Variants in NFIB observed in about 807,000 individuals in gnomAD.
The protein encoded by NFIB is nuclear factor 1 B-type.
In NFIB, 11 loss-of-function variants were observed where a neutral mutation model predicts 61.5. The observed-to-expected ratio is 0.18, with a 90% CI of 0.11 to 0.30. The LOEUF is 0.30. NFIB is among the 10% of genes least tolerant of loss of function. NFIB has a pLI of 1.00. For missense variants in NFIB, 471 were observed against 608.9 expected (o/e 0.77, Z 2.38); for synonymous variants, 260 against 216.5 (o/e 1.20, Z -1.76).
chr9:14,457,796 AC>A, the NFIB span, among the ~76,000 whole-genome samples: 1 of 152,104 alleles, frequency 6.6e-6, no homozygotes, highest in Non-Finnish European at 1.5e-5. Flanking sequence ...GGACACATAC[AC>A]CCTCCCAAGA....
intron 3 of NFIB, among the ~76,000 whole-genome samples, chr9:14,164,769 T>A (rs1354631390): frequency 6.6e-6 from 1 of 152,140 alleles, no homozygotes; most frequent in East Asian, 1.9e-4. Context: ...GTTGCCAAAT[T>A]TGCTGAACAC....
chr9:14,470,014 C>A, the NFIB span, among the ~76,000 whole-genome samples: 1 of 152,178 alleles, frequency 6.6e-6, no homozygotes, highest in East Asian at 1.9e-4. Flanking sequence ...CACGGGGATG[C>A]AAACAGACTG....
At chr9:14,225,484 GAA>G (rs1563920394) in intron 2 of NFIB, among the ~76,000 whole-genome samples, 1 of 118,016 alleles carries the variant, frequency 8.5e-6, no homozygotes, top group East Asian at 3.0e-4. Flanking sequence ...AAAAAAAGAA[GAA>G]GAAGAAAATA....
At chr9:14,349,374 G>A (rs1242453659) in intron 1 of NFIB, among the ~76,000 whole-genome samples, 2 of 152,124 alleles carry the variant, frequency 1.3e-5, no homozygotes, top group South Asian at 2.1e-4. Flanking sequence ...GAGCCCGCCC[G>A]ACATTAAATT....
At chr9:14,278,556 G>A (rs990605029) in intron 2 of NFIB, among the ~76,000 whole-genome samples, 5 of 152,146 alleles carry the variant, frequency 3.3e-5, no homozygotes, top group South Asian at 2.1e-4. Flanking sequence ...GAAAAGAGGC[G>A]AGCCCCTGAG....
chr9:14,398,577 T>A lies in NFIB; in HGVS notation c.55A>T (p.Lys19Ter). The change falls in exon 1 of 9, where the codon AAA becomes TAA. Residue 19 changes from lysine (K) to a stop codon, truncating the protein, a stop_gained. Coordinates refer to the NFIB transcript ENST00000380934. LOFTEE classifies it high-confidence loss of function. The stretch of plus-strand genomic sequence containing the variant: ...CTTTTAGGAATCCCAGGGTTACATT[T>A]CAGAACTGCACAGCAGACAACCCAG... 3 of 1,535,412 alleles carry A rather than the reference T, an allele frequency of 2.0e-6. No individual in the cohort carries two copies. Among genetic ancestry groups the A allele is most frequent in the Non-Finnish European group, 2.6e-6 (3 of 1,146,546 alleles).
chr9:14,220,005 C>T (rs745356468), intron 2 of NFIB, among the ~76,000 whole-genome samples: 2 of 152,106 alleles, frequency 1.3e-5, no homozygotes, highest in Non-Finnish European at 2.9e-5. Flanking sequence ...GTCTTGGGAG[C>T]GCATCAAAGC....
chr9:14,304,533 T>C (rs2059919913), intron 2 of NFIB, among the ~76,000 whole-genome samples: 2 of 152,260 alleles, frequency 1.3e-5, no homozygotes, highest in Admixed American at 1.3e-4. Context: ...CAACCATCTT[T>C]GGCATTCTCT....
intron 2 of NFIB, among the ~76,000 whole-genome samples, chr9:14,265,272 G>A (rs917319259): frequency 6.6e-6 from 1 of 152,166 alleles, no homozygotes; most frequent in South Asian, 2.1e-4. Flanking sequence ...GAATGTTTAT[G>A]TCCCCCCAAA....
In NFIB at chr9:14,140,052, C is replaced by G. The variant is rs1025895996; in HGVS notation, c.925+6637G>C. Among the ~76,000 whole-genome samples the G allele has an allele frequency of 4.6e-5, 7 of 152,260 alleles. No homozygotes were observed. The East Asian group carries it at 1.3e-3, about 29-fold the overall frequency. On this transcript the variant is annotated intron_variant, in intron 6 of 10. Coordinates refer to ENST00000380953, the MANE Select transcript of NFIB (RefSeq NM_001190737.2). ...CCATCTCTTCTTCACATTCATCCAC[C>G]AAAAGCATTTGTAGCTCTCTTTTTT...
intron 3 of NFIB, among the ~76,000 whole-genome samples, chr9:14,176,951 T>C (rs2046253360): frequency 1.3e-5 from 2 of 152,200 alleles, no homozygotes; most frequent in African/African-American, 4.8e-5. Context: ...CTTCCCAAGC[T>C]GTTGGGGAAT....
chr9:14,116,861 A>T (rs2038221202), intron 8 of NFIB, among the ~76,000 whole-genome samples: 1 of 152,222 alleles, frequency 6.6e-6, no homozygotes, highest in Non-Finnish European at 1.5e-5. Flanking sequence ...TGGAATTTTC[A>T]TCATTTACAG....
intron 2 of NFIB, among the ~76,000 whole-genome samples, chr9:14,222,806 A>AAAAAAAAAG (rs1253170447): frequency 5.3e-5 from 8 of 150,518 alleles, no homozygotes; most frequent in African/African-American, 1.7e-4. Context: ...AAAAAAAAAA[A>AAAAAAAAAG]AAAGAAAGAA....
chr9:14,323,296 AGATT>A (rs1168981026), intron 1 of NFIB, among the ~76,000 whole-genome samples: 6 of 152,202 alleles, frequency 3.9e-5, no homozygotes, highest in African/African-American at 1.4e-4. Context: ...ACTCTAGAGG[AGATT>A]GGATAGTGAG....
At chr9:14,271,136 G>C (rs2057583438) in intron 2 of NFIB, among the ~76,000 whole-genome samples, 1 of 149,260 alleles carries the variant, frequency 6.7e-6, no homozygotes, top group African/African-American at 2.5e-5. Context: ...CCAACCCCCT[G>C]CAAAGAAAGC....
At chr9:14,489,116 A>G in the NFIB span, among the ~76,000 whole-genome samples, 2 of 152,216 alleles carry the variant, frequency 1.3e-5, no homozygotes, top group Non-Finnish European at 2.9e-5. Flanking sequence ...TCCATTTGGT[A>G]CCCTAGGTAA....
chr9:14,520,145 AT>A, the NFIB span, among the ~76,000 whole-genome samples: 1 of 152,144 alleles, frequency 6.6e-6, no homozygotes, highest in Non-Finnish European at 1.5e-5. Flanking sequence ...TCTACTAAAA[AT>A]TTCAGGGAAA....
At chr9:14,259,359 A>G (rs905999505) in intron 2 of NFIB, among the ~76,000 whole-genome samples, 18 of 152,256 alleles carry the variant, frequency 1.2e-4, no homozygotes, top group African/African-American at 4.3e-4. Context: ...ACTCATCATT[A>G]TCTCTGGACA....
chr9:14,333,768 G>A (rs192982795), intron 1 of NFIB, among the ~76,000 whole-genome samples: 10 of 152,096 alleles, frequency 6.6e-5, no homozygotes, highest in Non-Finnish European at 1.5e-4. Context: ...TATACATCAC[G>A]AGTGTATAGC....
Sources: allele counts gnomAD v4.1 joint callset (sites outside exome capture counted in the v4.1 genomes callset), GRCh38; gene constraint gnomAD v4.1.1; transcripts MANE v1.5; gene names NCBI Gene and HGNC (gene_info 2026-07-23, HGNC 2026-07-21).